Variants in MYO6 observed in about 807,000 individuals in gnomAD.
MYO6 encodes the protein myosin VI, also known as unconventional myosin-VI.
In MYO6, 74 loss-of-function variants were observed where a neutral mutation model predicts 178.7. The ratio of observed to expected loss-of-function variants is 0.41; its 90% CI spans 0.34 to 0.50. The LOEUF is 0.50. Ranked by LOEUF, MYO6 falls within the 20% of genes least tolerant of loss-of-function variation. The pLI is 0.09. For synonymous variants in MYO6, 477 were observed against 504.6 expected (o/e 0.95, Z 0.73); for missense variants, 1,330 against 1,547.4 (o/e 0.86, Z 2.36).
intron 32 of MYO6, among the ~76,000 whole-genome samples, chr6:75,909,281 T>C (rs1287309468): frequency 6.6e-6 from 1 of 152,204 alleles, no homozygotes; most frequent in Non-Finnish European, 1.5e-5. Flanking sequence ...TTTGTAGGTA[T>C]AAGTACTTTT....
chr6:75,887,539 G>C (rs574023736), intron 25 of MYO6, among the ~76,000 whole-genome samples: 1 of 151,336 alleles, frequency 6.6e-6, no homozygotes, highest in South Asian at 2.1e-4. Context: ...TGCTTGGGAG[G>C]CTGAGGCAGG....
At chr6:75,809,917 C>CAA (rs573059225) in intron 1 of MYO6, among the ~76,000 whole-genome samples, 3 of 125,088 alleles carry the variant, frequency 2.4e-5, no homozygotes, top group East Asian at 2.3e-4. Flanking sequence ...AAAAAAAAAA[C>CAA]AAAAAAAAAA....
intron 1 of MYO6, among the ~76,000 whole-genome samples, chr6:75,803,597 A>T (rs1769708734): frequency 6.6e-6 from 1 of 152,160 alleles, no homozygotes; most frequent in Non-Finnish European, 1.5e-5. Context: ...GCAGGTGCTC[A>T]GTAAATATTC....
rs2149436373 is a variant in MYO6, at chr6:75,915,359, CTTT to C, written c.*350_*352del. On this transcript the variant is annotated 3_prime_UTR_variant, in exon 35 of 35. Coordinates refer to ENST00000369977, the MANE Select transcript of MYO6 (RefSeq NM_004999.4). ...AGAACTTTTTTCAAAATTCAAAATACTTTTTAAGGATGGCACAGTACCATATAA... is the reference window on the plus strand; with the variant it reads ...AGAACTTTTTTCAAAATTCAAAATACTTAAGGATGGCACAGTACCATATAA... 1 of 348,114 alleles carries C rather than the reference CTTT, an allele frequency of 2.9e-6. No homozygotes were observed. Among genetic ancestry groups the C allele is most frequent in the South Asian group, 2.5e-5 (1 of 39,562 alleles). The allele number at this position is 348,114 out of a possible 1,614,324, so 21.6% of individuals were successfully genotyped here. A position where few individuals can be genotyped will look rare whatever the true frequency, so the allele number is the denominator to read the frequency against.
intron 12 of MYO6, among the ~76,000 whole-genome samples, 173 bp downstream of exon 12, chr6:75,855,456 C>T (rs193200069): frequency 6.6e-6 from 1 of 152,196 alleles, no homozygotes; most frequent in Admixed American, 6.5e-5. Flanking sequence ...TAAAGTTGTT[C>T]CTTGCTGATA....
rs1280519608 is a variant in MYO6, at chr6:75,861,009, T to C, written c.1474-14T>C. ...GTATTGCTGTATCTATGATTATGAT[T>C]ATTTCATTTTTAGGAACAAGAACTC... On this transcript the variant is annotated splice_polypyrimidine_tract_variant and intron_variant, in intron 14 of 34. Transcript: ENST00000369977. 2 of 1,538,936 alleles carry C rather than the reference T, an allele frequency of 1.3e-6. No individual in the cohort carries two copies. Among genetic ancestry groups the C allele is most frequent in the Non-Finnish European group, 1.8e-6 (2 of 1,112,266 alleles).
chr6:75,773,840 C>A (rs1766121345), intron 1 of MYO6, among the ~76,000 whole-genome samples: 1 of 152,196 alleles, frequency 6.6e-6, no homozygotes, highest in African/African-American at 2.4e-5. Context: ...CCTTCCCAAA[C>A]TACAAAATCA....
chr6:75,915,170 A>AT lies in MYO6; in HGVS notation c.*160dup, dbSNP rs1320702502. On this transcript the variant is annotated 3_prime_UTR_variant, in exon 35 of 35. Transcript: ENST00000369977. ...CTTTTGGTGAATTTGTTTAAGGTTAATTATGGTAGCAAATTTTGGACCTAA... is the reference window on the plus strand; with the variant it reads ...CTTTTGGTGAATTTGTTTAAGGTTAATTTATGGTAGCAAATTTTGGACCTAA... 2 of 765,440 alleles carry AT rather than the reference A, an allele frequency of 2.6e-6. No individual in the cohort carries two copies. Among genetic ancestry groups the AT allele is most frequent in the African/African-American group, 3.5e-5 (2 of 57,334 alleles). 47.4% of individuals were successfully genotyped at this position (765,440 alleles called of 1,614,324 possible).
At chr6:75,815,692 C>T (rs1771165463) in intron 1 of MYO6, among the ~76,000 whole-genome samples, 1 of 152,216 alleles carries the variant, frequency 6.6e-6, no homozygotes, top group Non-Finnish European at 1.5e-5. Context: ...CATCAACCAA[C>T]AAGCAAGTTG....
At chr6:75,859,403 G>A (rs1369971820) in intron 14 of MYO6, among the ~76,000 whole-genome samples, 1 of 151,802 alleles carries the variant, frequency 6.6e-6, no homozygotes, top group Non-Finnish European at 1.5e-5. Flanking sequence ...GGGTTCAAGC[G>A]ATTCTCCTGC....
Position 75,822,445 on chromosome 6 carries a change from A to C in MYO6, c.118-337A>C, listed in dbSNP as rs569204754. Among the ~76,000 whole-genome samples the C allele has an allele frequency of 2.1e-4, 32 of 152,242 alleles. No homozygotes were observed. In the South Asian group the frequency reaches 4.6e-3, roughly 22 times the overall value. On this transcript the variant is annotated intron_variant, in intron 2 of 34. Coordinates refer to ENST00000369977, the MANE Select transcript of MYO6 (RefSeq NM_004999.4). ...TGAAATTGCTGTATCTACCACATTA[A>C]CATTTTATTTAAAAAAATTTGTTAA...
At chr6:75,886,238 A>G in intron 24 of MYO6, 144 bp downstream of exon 24, 1 of 631,350 alleles carries the variant, frequency 1.6e-6, no homozygotes, top group Non-Finnish European at 2.8e-6. Context: ...TTTTATTTGT[A>G]ATATTTATTT....
At chr6:75,885,526 G>A (rs576785888) in intron 23 of MYO6, among the ~76,000 whole-genome samples, 88 of 151,440 alleles carry the variant, frequency 5.8e-4, no homozygotes, top group Admixed American at 7.9e-4. Flanking sequence ...TCAGCTCACC[G>A]CAAGCTCCGC....
intron 5 of MYO6, among the ~76,000 whole-genome samples, chr6:75,830,872 C>T (rs941356991): frequency 6.6e-6 from 1 of 152,146 alleles, no homozygotes; most frequent in Non-Finnish European, 1.5e-5. Context: ...TTAATACCAT[C>T]AGCTCCATCT....
intron 20 of MYO6, among the ~76,000 whole-genome samples, chr6:75,878,699 G>A (rs140467035): frequency 3.6e-4 from 55 of 152,338 alleles, no homozygotes; most frequent in African/African-American, 1.3e-3. Context: ...TGTAAGAAGT[G>A]AGACAAGGAT....
At chr6:75,866,896 A>G (rs181124496) in intron 17 of MYO6, 36 bp from the exon 18 acceptor site, 2 of 1,604,350 alleles carry the variant, frequency 1.2e-6, no homozygotes, top group Non-Finnish European at 1.7e-6. Flanking sequence ...TTATCACAAG[A>G]TGGACAGAAA....
At position 75,835,978 on chromosome 6, in the gene MYO6, T is replaced by C. The variant is rs373303642; in HGVS notation, c.553+22T>C. The C allele has an allele frequency of 3.0e-5, 46 of 1,541,618 alleles. No individual in the cohort carries two copies. In the African/African-American group the frequency reaches 3.9e-4, roughly 13 times the overall value. ...GAAGGTATTGCTAATTTTTCAGTTG[T>C]TACGCGTGTACTGAAATTAATTTAC... On this transcript the variant is annotated intron_variant, in intron 7 of 34. Coordinates refer to ENST00000369977, the MANE Select transcript of MYO6 (RefSeq NM_004999.4).
chr6:75,860,396 T>C (rs570239627), intron 14 of MYO6, among the ~76,000 whole-genome samples: 1 of 152,374 alleles, frequency 6.6e-6, no homozygotes, highest in African/African-American at 2.4e-5. Context: ...TTCATGCCTC[T>C]AATTTAACAT....
chr6:75,784,776 CAAAAAAA>C (rs754218278), intron 1 of MYO6, among the ~76,000 whole-genome samples: 1 of 54,406 alleles, frequency 1.8e-5, no homozygotes, highest in African/African-American at 6.5e-5. Flanking sequence ...GACTCCGTCT[CAAAAAAA>C]AAAAAAAAAA....
Sources: gnomAD v4.1 joint callset for allele counts (sites outside exome capture counted in the v4.1 genomes callset) on GRCh38, gnomAD v4.1.1 for gene constraint, MANE v1.5 for transcripts, NCBI Gene and HGNC (gene_info 2026-07-23, HGNC 2026-07-21) for gene names.